The following STK10 variants were observed in gnomAD, a reference collection of about 807,000 sequenced individuals.
The protein encoded by STK10 is serine/threonine kinase 10.
Under a neutral mutation model 113.8 loss-of-function variants are expected in STK10, and 78 were observed. That is an observed-to-expected ratio of 0.69 (90% CI 0.57 to 0.83). STK10 has a LOEUF of 0.83. Ranked by LOEUF, STK10 falls within the 40% of genes least tolerant of loss-of-function variation. The probability of loss-of-function intolerance (pLI) is 0.00; values close to 1 mark genes in which losing one functional copy is unlikely to be tolerated. For missense variants in STK10, 1,109 were observed against 1,280.1 expected, an observed-to-expected ratio of 0.87 and a Z score of 2.04; for synonymous variants, 465 against 494.7, an observed-to-expected ratio of 0.94 and a Z score of 0.80.
chr5:172,089,300 G>C (rs962965079), intron 10 of STK10, among the ~76,000 whole-genome samples: 4 of 152,204 alleles, frequency 2.6e-5, no homozygotes, highest in Non-Finnish European at 4.4e-5. Context: ...CTTGTGTACT[G>C]TATGTTGGCC....
intron 3 of STK10, among the ~76,000 whole-genome samples, chr5:172,126,614 G>C (rs752499674): frequency 4.6e-5 from 7 of 152,244 alleles, no homozygotes; most frequent in Non-Finnish European, 8.8e-5. Context: ...GAGGATTAGA[G>C]GAGGACCGCA....
At chr5:172,125,323 C>T (rs574282164) in intron 3 of STK10, among the ~76,000 whole-genome samples, 13 of 152,248 alleles carry the variant, frequency 8.5e-5, no homozygotes, top group Admixed American at 7.2e-4. Flanking sequence ...GTGATATGCA[C>T]TTATACATCT....
At chr5:172,104,156 C>T (rs1408968650) in intron 7 of STK10, among the ~76,000 whole-genome samples, 1 of 152,252 alleles carries the variant, frequency 6.6e-6, no homozygotes, top group African/African-American at 2.4e-5. Context: ...CCCCTTCCTG[C>T]CACTGCACCT....
chr5:172,103,281 G>A (rs984553628), intron 7 of STK10, among the ~76,000 whole-genome samples: 7 of 152,254 alleles, frequency 4.6e-5, no homozygotes, highest in East Asian at 3.8e-4. Flanking sequence ...AGGAAAAGGC[G>A]CGTGGGTGAA....
chr5:172,081,585 G>C (rs1462057249), intron 12 of STK10, among the ~76,000 whole-genome samples: 1 of 152,030 alleles, frequency 6.6e-6, no homozygotes, highest in Non-Finnish European at 1.5e-5. Context: ...CAGGAACCCT[G>C]GCTCCCAGAG....
chr5:172,049,459 G>A (rs888172653), intron 18 of STK10, among the ~76,000 whole-genome samples: 9 of 152,122 alleles, frequency 5.9e-5, no homozygotes, highest in Non-Finnish European at 1.3e-4. Context: ...AAGCCCAGCA[G>A]GGAACGAGGG....
At chr5:172,104,668 C>T (rs1769059991) in intron 7 of STK10, among the ~76,000 whole-genome samples, 1 of 150,212 alleles carries the variant, frequency 6.7e-6, no homozygotes, top group Non-Finnish European at 1.5e-5. Context: ...ACACAGCAAG[C>T]TTCAGAAAGG....
At position 172,136,060 on chromosome 5, in the gene STK10, GAAAAAGAA is replaced by G. The variant is rs541129263; in HGVS notation, c.322-8647_322-8640del. Among the ~76,000 whole-genome samples the G allele has an allele frequency of 1.3e-3, 192 of 146,836 alleles. 1 individual carries two copies. Among genetic ancestry groups the G allele is most frequent in the African/African-American group, 4.5e-3 (181 of 39,882 alleles). On this transcript the variant is annotated intron_variant, in intron 2 of 18. Coordinates refer to ENST00000176763, the MANE Select transcript of STK10 (RefSeq NM_005990.4). ...TAAATAAACAAACAAACAAAAGAAA[GAAAAAGAA>G]AAAAAGAAAAAAAAACCTCAAATTA...
intron 4 of STK10, chr5:172,108,365 C>T (rs941606102): frequency 4.6e-5 from 7 of 152,384 alleles, no homozygotes; most frequent in African/African-American, 1.7e-4. Context: ...CCTGTAATCC[C>T]AGTACTTTGG....
At position 172,171,730 on chromosome 5, in the gene STK10, T is replaced by TGAATA. The variant is rs11273930; in HGVS notation, c.157-14947_157-14943dup. Among the ~76,000 whole-genome samples, 1,205 of 149,114 alleles carry TGAATA rather than the reference T, an allele frequency of 8.1e-3. 14 individuals carry two copies. The highest frequency in any genetic ancestry group is 0.024 in the South Asian group (111 of 4,644). ...ACTCTTGTCTTAAAATAAAATAAAATGAATAGAATAGAATAGAATAGAATA... is the reference window on the plus strand; with the variant it reads ...ACTCTTGTCTTAAAATAAAATAAAATGAATAGAATAGAATAGAATAGAATAGAATA... On this transcript the variant is annotated intron_variant, in intron 1 of 18. Transcript: ENST00000176763.
At chr5:172,147,318 G>A (rs949528136) in intron 2 of STK10, among the ~76,000 whole-genome samples, 2 of 151,800 alleles carry the variant, frequency 1.3e-5, no homozygotes, top group Non-Finnish European at 2.9e-5. Context: ...ACTGACAACC[G>A]TGTACAGAGA....
intron 14 of STK10, among the ~76,000 whole-genome samples, chr5:172,058,490 T>C (rs1767853895): frequency 6.6e-6 from 1 of 152,226 alleles, no homozygotes; most frequent in African/African-American, 2.4e-5. Flanking sequence ...AAAATTGCCC[T>C]GGGATATTGG....
At chr5:172,076,269 T>C (rs1186194687) in intron 12 of STK10, among the ~76,000 whole-genome samples, 1 of 108,666 alleles carries the variant, frequency 9.2e-6, no homozygotes, top group Non-Finnish European at 1.8e-5. Flanking sequence ...GTGGGGGCTG[T>C]CCTGTGCGTT....
rs75093781 is a variant in STK10 at position 172,105,842 on chromosome 5, G to A, written c.789-105C>T. Reference sequence around the variant, plus strand: ...CCAATCATGCCCCTCAAAGGACAGAGGAAACTTTCACAAGCTAAAACAGTG... The same window carrying A: ...CCAATCATGCCCCTCAAAGGACAGAAGAAACTTTCACAAGCTAAAACAGTG... On this transcript the variant is annotated intron_variant, in intron 6 of 18. Transcript: ENST00000176763. 5,041 of 1,032,364 alleles carry A rather than the reference G, an allele frequency of 4.9e-3. 153 individuals are homozygous for A. The African/African-American group carries it at 0.071, about 14-fold the overall frequency. 64.0% of individuals were successfully genotyped at this position (1,032,364 alleles called of 1,614,324 possible).
At chr5:172,049,087 C>T (rs1385562686) in intron 18 of STK10, among the ~76,000 whole-genome samples, 2 of 152,130 alleles carry the variant, frequency 1.3e-5, no homozygotes, top group Non-Finnish European at 2.9e-5. Context: ...CTTTGTGACC[C>T]CCCCATGCTG....
chr5:172,070,411 T>G (rs1201509087), intron 12 of STK10, among the ~76,000 whole-genome samples: 1 of 151,852 alleles, frequency 6.6e-6, no homozygotes, highest in East Asian at 1.9e-4. Context: ...AAGAGGAAGT[T>G]GCAAAGGAAA....
intron 1 of STK10, among the ~76,000 whole-genome samples, chr5:172,161,113 G>A (rs918171842): frequency 4.6e-5 from 7 of 152,126 alleles, no homozygotes; most frequent in Admixed American, 2.6e-4. Flanking sequence ...TGGGGTGTGG[G>A]AGAGGGCACC....
At chr5:172,070,313 A>T (rs1007164404) in intron 12 of STK10, among the ~76,000 whole-genome samples, 1 of 151,284 alleles carries the variant, frequency 6.6e-6, no homozygotes, top group African/African-American at 2.4e-5. Context: ...GATCATAATG[A>T]AATCAAACTA....
intron 12 of STK10, among the ~76,000 whole-genome samples, chr5:172,079,450 T>A (rs1484566958): frequency 6.6e-6 from 1 of 152,242 alleles, no homozygotes; most frequent in African/African-American, 2.4e-5. Flanking sequence ...CCCTAGCATG[T>A]TGGCAACTGT....
Sources: gnomAD v4.1 joint callset for allele counts (sites outside exome capture counted in the v4.1 genomes callset) on GRCh38, gnomAD v4.1.1 for gene constraint, MANE v1.5 for transcripts, NCBI Gene and HGNC (gene_info 2026-07-23, HGNC 2026-07-21) for gene names.